Variants in SUGCT observed in about 807,000 individuals in gnomAD.
SUGCT encodes the protein succinyl-CoA:glutarate CoA-transferase.
In SUGCT, 41 loss-of-function variants were observed where a neutral mutation model predicts 55.0. The ratio of observed to expected loss-of-function variants is 0.74; its 90% CI spans 0.58 to 0.97. The LOEUF is 0.97. Ranked by LOEUF, SUGCT falls within the 50% of genes least tolerant of loss-of-function variation. SUGCT has a pLI of 0.00. For missense variants in SUGCT, 568 were observed against 547.8 expected (o/e 1.04, Z -0.37); for synonymous variants, 187 against 200.4 (o/e 0.93, Z 0.56).
At chr7:40,958,167 T>C in the SUGCT span, among the ~76,000 whole-genome samples, 2 of 152,104 alleles carry the variant, frequency 1.3e-5, no homozygotes. Context: ...AAGAGTATCT[T>C]TGTGGTGTTC....
chr7:40,828,438 A>G (rs2128774485), intron 13 of SUGCT, among the ~76,000 whole-genome samples: 1 of 152,286 alleles, frequency 6.6e-6, no homozygotes, highest in South Asian at 2.1e-4. Flanking sequence ...AATGAAAAAG[A>G]GCAGGGGATG....
At chr7:40,342,085 G>A (rs964968854) in intron 9 of SUGCT, among the ~76,000 whole-genome samples, 5 of 152,188 alleles carry the variant, frequency 3.3e-5, no homozygotes, top group Non-Finnish European at 7.3e-5. Context: ...CCTAGTTGGA[G>A]GAAATTAATC....
chr7:40,339,071 G>T (rs1308446214), intron 9 of SUGCT, among the ~76,000 whole-genome samples: 1 of 152,148 alleles, frequency 6.6e-6, no homozygotes, highest in East Asian at 1.9e-4. Flanking sequence ...GAACATTGCT[G>T]AACAGCAAAT....
chr7:40,721,681 A>G (rs1003542401), intron 12 of SUGCT, among the ~76,000 whole-genome samples: 1 of 152,212 alleles, frequency 6.6e-6, no homozygotes, highest in African/African-American at 2.4e-5. Context: ...ACATTCCATA[A>G]TTGACCATTT....
the SUGCT span, among the ~76,000 whole-genome samples, chr7:40,970,535 G>A: frequency 2.0e-5 from 3 of 152,194 alleles, no homozygotes; most frequent in Non-Finnish European, 4.4e-5. Context: ...TGGGTGCCAA[G>A]TATAGGACTA....
chr7:40,971,817 C>T, the SUGCT span, among the ~76,000 whole-genome samples: 1 of 152,146 alleles, frequency 6.6e-6, no homozygotes, highest in Non-Finnish European at 1.5e-5. Flanking sequence ...GTTTGCAGCT[C>T]CCTCTGTATT....
chr7:40,513,474 C>T (rs1377840615), intron 12 of SUGCT, among the ~76,000 whole-genome samples: 2 of 152,090 alleles, frequency 1.3e-5, no homozygotes, highest in East Asian at 1.9e-4. Flanking sequence ...TTTAAAGAGG[C>T]GTTCTGTGAT....
chr7:40,703,653 C>T lies in SUGCT; in HGVS notation c.1090-45781C>T, dbSNP rs73689838. Among the ~76,000 whole-genome samples the T allele has an allele frequency of 1.7e-3, 254 of 152,234 alleles. 1 individual carries two copies. Among genetic ancestry groups the T allele is most frequent in the African/African-American group, 5.8e-3 (239 of 41,552 alleles). On this transcript the variant is annotated intron_variant, in intron 12 of 13. Transcript: ENST00000335693. ...GCTAGCAATAAATCAAATACATTTC[C>T]TGATATTGATACTCAAGTTTCTATA...
At chr7:40,179,707 T>C (rs1785091840) in intron 1 of SUGCT, among the ~76,000 whole-genome samples, 1 of 152,262 alleles carries the variant, frequency 6.6e-6, no homozygotes, top group Admixed American at 6.5e-5. Flanking sequence ...CAGCCGGGAC[T>C]GCTGCAATGA....
the SUGCT span, among the ~76,000 whole-genome samples, chr7:40,905,861 G>C: frequency 6.6e-6 from 1 of 151,956 alleles, no homozygotes; most frequent in Admixed American, 6.6e-5. Flanking sequence ...TGGGACCCCA[G>C]GCACATGCCA....
At chr7:40,245,444 T>TA (rs1180323910) in intron 7 of SUGCT, among the ~76,000 whole-genome samples, 954 of 89,676 alleles carry the variant, frequency 0.011, 65 homozygotes, top group Non-Finnish European at 0.015. Flanking sequence ...TTTTTTTTTT[T>TA]TTTTTTTTTT....
chr7:40,819,013 G>C (rs1484052588), intron 13 of SUGCT, among the ~76,000 whole-genome samples: 1 of 149,376 alleles, frequency 6.7e-6, no homozygotes, highest in East Asian at 2.0e-4. Flanking sequence ...GTGGTGTTTG[G>C]TTTTCTGTCC....
chr7:40,565,987 A>ACACACG lies in SUGCT; in HGVS notation c.1089+69607_1089+69612dup, dbSNP rs1243707958. ...GCATATCACACACACACACACACAC[A>ACACACG]CACACGCACACACACACACACACAC... is the stretch of plus-strand genomic sequence containing the variant. On this transcript the variant is annotated intron_variant, in intron 12 of 13. Coordinates refer to ENST00000335693, the MANE Select transcript of SUGCT (RefSeq NM_001193313.2). 2.3e-3 allele frequency among the ~76,000 whole-genome samples: 212 copies of ACACACG among 94,056 alleles called. 1 individual carries two copies. The highest frequency in any genetic ancestry group is 0.011 in the African/African-American group (209 of 19,278). 61.7% of individuals were successfully genotyped at this position (94,056 alleles called of 152,430 possible).
chr7:40,193,947 GA>G (rs901304210), intron 5 of SUGCT, among the ~76,000 whole-genome samples: 3 of 151,880 alleles, frequency 2.0e-5, no homozygotes, highest in African/African-American at 4.8e-5. Flanking sequence ...GAAATTTTGG[GA>G]AAAAAATTTC....
intron 13 of SUGCT, among the ~76,000 whole-genome samples, chr7:40,752,481 G>A (rs1419591046): frequency 6.6e-6 from 1 of 152,144 alleles, no homozygotes; most frequent in African/African-American, 2.4e-5. Flanking sequence ...TCAGCCTCCT[G>A]AGTAGCTGGG....
intron 12 of SUGCT, among the ~76,000 whole-genome samples, chr7:40,635,304 A>T (rs1009778246): frequency 9.9e-5 from 15 of 152,238 alleles, no homozygotes; most frequent in African/African-American, 3.4e-4. Context: ...AAAAAAACAA[A>T]AAACAAAACA....
At chr7:40,232,962 C>T (rs959951355) in intron 6 of SUGCT, among the ~76,000 whole-genome samples, 3 of 152,080 alleles carry the variant, frequency 2.0e-5, no homozygotes, top group Non-Finnish European at 1.5e-5. Context: ...TTTAAAGGAA[C>T]TATCTGGATC....
chr7:40,386,793 C>G (rs1317302823), intron 9 of SUGCT, among the ~76,000 whole-genome samples: 6 of 152,142 alleles, frequency 3.9e-5, no homozygotes, highest in Admixed American at 3.9e-4. Flanking sequence ...GGCCACCTTG[C>G]TTTTATTTCC....
chr7:40,200,537 A>G (rs1253263347), intron 6 of SUGCT, among the ~76,000 whole-genome samples: 1 of 152,056 alleles, frequency 6.6e-6, no homozygotes, highest in Non-Finnish European at 1.5e-5. Context: ...ACCATGTGCA[A>G]AGGCTCCGTG....
Sources: allele counts gnomAD v4.1 joint callset (sites outside exome capture counted in the v4.1 genomes callset), GRCh38; gene constraint gnomAD v4.1.1; transcripts MANE v1.5; gene names NCBI Gene and HGNC (gene_info 2026-07-23, HGNC 2026-07-21).